The following LEF1 variants were observed in gnomAD, a reference collection of about 807,000 sequenced individuals.
LEF1 encodes lymphoid enhancer binding factor 1, also known as lymphoid enhancer-binding factor 1.
LEF1 carries 14 observed loss-of-function variants against 51.2 expected under a neutral mutation model. The ratio of observed to expected loss-of-function variants is 0.27; its 90% CI spans 0.18 to 0.43. The LOEUF is 0.43. Ranked by LOEUF, LEF1 falls within the 20% of genes least tolerant of loss-of-function variation. LEF1 has a pLI of 1.00. For synonymous variants in LEF1, 185 were observed against 183.2 expected, an observed-to-expected ratio of 1.01 and a Z score of -0.08; for missense variants, 386 against 512.0, an observed-to-expected ratio of 0.75 and a Z score of 2.37.
intron 5 of LEF1, among the ~76,000 whole-genome samples, chr4:108,081,998 C>T (rs1245503086): frequency 6.6e-6 from 1 of 152,174 alleles, no homozygotes; most frequent in Non-Finnish European, 1.5e-5. Context: ...TAACATAACC[C>T]TGAGAATAGT....
At chr4:108,117,211 T>C (rs551852725) in intron 3 of LEF1, among the ~76,000 whole-genome samples, 76 of 152,350 alleles carry the variant, frequency 5.0e-4, no homozygotes, top group African/African-American at 1.8e-3. Context: ...AATTTCTTCC[T>C]AATTTTTCTC....
intron 11 of LEF1, among the ~76,000 whole-genome samples, chr4:108,052,683 T>G (rs1457442837): frequency 1.3e-5 from 2 of 152,172 alleles, no homozygotes; most frequent in Non-Finnish European, 2.9e-5. Context: ...CTTAGGAATA[T>G]GGTCATAAAA....
chr4:108,085,709 A>G (rs900920552), intron 4 of LEF1, among the ~76,000 whole-genome samples: 6 of 106,226 alleles, frequency 5.6e-5, no homozygotes, highest in African/African-American at 1.9e-4. Context: ...TTGACTCTAT[A>G]GAAATTCTAC....
At chr4:108,119,337 C>T (rs1742026461) in intron 3 of LEF1, among the ~76,000 whole-genome samples, 1 of 151,728 alleles carries the variant, frequency 6.6e-6, no homozygotes, top group Non-Finnish European at 1.5e-5. Context: ...TTTAAATGCA[C>T]ACACTGAGGT....
intron 3 of LEF1, among the ~76,000 whole-genome samples, chr4:108,094,102 A>G (rs1740225935): frequency 6.6e-6 from 1 of 152,216 alleles, no homozygotes; most frequent in Non-Finnish European, 1.5e-5. Flanking sequence ...CCTGTACATC[A>G]TGTGGCCTTC....
At chr4:108,155,870 A>G (rs1744665181) in intron 3 of LEF1, among the ~76,000 whole-genome samples, 1 of 152,192 alleles carries the variant, frequency 6.6e-6, no homozygotes, top group South Asian at 2.1e-4. Context: ...CTCCCTAATT[A>G]AGGCTCAAAA....
intron 5 of LEF1, chr4:108,083,097 G>A (rs1291195796): frequency 4.3e-6 from 2 of 469,174 alleles, no homozygotes; most frequent in Non-Finnish European, 7.7e-6. Context: ...AAGCCACAAA[G>A]GGAATCCATA....
At chr4:108,165,887 C>G (rs1459885359) in intron 1 of LEF1, among the ~76,000 whole-genome samples, 1 of 152,164 alleles carries the variant, frequency 6.6e-6, no homozygotes, top group East Asian at 1.9e-4. Context: ...CACCCTCAGG[C>G]CTCCTCATGC....
intron 8 of LEF1, chr4:108,075,254 G>A (rs1236862251): frequency 6.6e-6 from 1 of 152,196 alleles, no homozygotes; most frequent in Non-Finnish European, 1.5e-5. Context: ...GCTGCATTTT[G>A]AGGCTATCCA....
At chr4:108,075,670 C>A (rs1738807796) in intron 8 of LEF1, among the ~76,000 whole-genome samples, 1 of 152,212 alleles carries the variant, frequency 6.6e-6, no homozygotes, top group Non-Finnish European at 1.5e-5. Context: ...GAAATCACTT[C>A]AATCCCATAC....
chr4:108,080,809 T>C (rs1560775241), intron 6 of LEF1, among the ~76,000 whole-genome samples: 1 of 152,100 alleles, frequency 6.6e-6, no homozygotes, highest in East Asian at 1.9e-4. Flanking sequence ...AAAAGACATA[T>C]TCACAACCAG....
At chr4:108,157,356 C>A (rs1744799476) in intron 3 of LEF1, among the ~76,000 whole-genome samples, 1 of 152,016 alleles carries the variant, frequency 6.6e-6, no homozygotes, top group African/African-American at 2.4e-5. Flanking sequence ...CCAAGCCCAG[C>A]TAATTTTTGT....
In LEF1 at chr4:108,084,176, G is replaced by C. The variant is rs367789962; in HGVS notation, c.548-730C>G. Among the ~76,000 whole-genome samples the C allele has an allele frequency of 9.2e-5, 14 of 152,220 alleles. No individual in the cohort carries two copies. In the East Asian group the frequency reaches 1.9e-3, roughly 21 times the overall value. On this transcript the variant is annotated intron_variant, in intron 4 of 11. Transcript: ENST00000265165. ...AGATTATATGTAATCCCAGTCCCAA[G>C]TGACATCCCTTTATACCTTACCCTA... is the stretch of plus-strand genomic sequence containing the variant.
At chr4:108,067,660 G>C (rs960213134) in intron 9 of LEF1, among the ~76,000 whole-genome samples, 1 of 151,850 alleles carries the variant, frequency 6.6e-6, no homozygotes, top group Non-Finnish European at 1.5e-5. Context: ...CTCCCGAGTA[G>C]CTGGGATTAC....
chr4:108,060,842 C>T (rs7681436), intron 11 of LEF1, among the ~76,000 whole-genome samples: 132,627 of 151,952 alleles, frequency 0.87, 58,397 homozygotes, highest in East Asian at 0.97. Flanking sequence ...TTCCAGGTCA[C>T]ACAAGTCTCC....
chr4:108,097,968 G>A (rs571082188), intron 3 of LEF1, among the ~76,000 whole-genome samples: 240 of 152,248 alleles, frequency 1.6e-3, no homozygotes, highest in African/African-American at 5.5e-3. Context: ...GACCGGAGGC[G>A]ACATGAGGCA....
At chr4:108,061,517 A>T (rs1737691260) in intron 11 of LEF1, among the ~76,000 whole-genome samples, 1 of 152,174 alleles carries the variant, frequency 6.6e-6, no homozygotes, top group Admixed American at 6.5e-5. Flanking sequence ...TGCAAACAGA[A>T]GTGAGGTAAA....
At chr4:108,064,230 A>G in intron 10 of LEF1, 106 bp downstream of exon 10, 1 of 695,642 alleles carries the variant, frequency 1.4e-6, no homozygotes, top group Non-Finnish European at 2.5e-6. Flanking sequence ...TTAAAGCATC[A>G]TAAGTTACAG....
chr4:108,078,461 AC>A (rs1175818152), intron 7 of LEF1, 79 bp from the exon 8 acceptor site: 2 of 1,566,168 alleles, frequency 1.3e-6, no homozygotes, highest in African/African-American at 2.7e-5. Context: ...AAAGCAGAGC[AC>A]CTGCTCACAT....
Sources: allele counts gnomAD v4.1 joint callset (sites outside exome capture counted in the v4.1 genomes callset), GRCh38; gene constraint gnomAD v4.1.1; transcripts MANE v1.5; gene names NCBI Gene and HGNC (gene_info 2026-07-23, HGNC 2026-07-21).